ODAD2: variants seen among roughly 807,000 people sequenced by gnomAD.
ODAD2 encodes outer dynein arm docking complex subunit 2, also known as outer dynein arm-docking complex subunit 2.
Under a neutral mutation model 106.8 loss-of-function variants are expected in ODAD2, and 89 were observed. That is an observed-to-expected ratio of 0.83 (90% CI 0.70 to 0.99). ODAD2 has a LOEUF of 0.99. ODAD2 is among the 50% of genes least tolerant of loss of function. ODAD2 has a pLI of 0.00. For synonymous variants in ODAD2, 404 were observed against 436.2 expected, an observed-to-expected ratio of 0.93 and a Z score of 0.92; for missense variants, 1,168 against 1,238.5, an observed-to-expected ratio of 0.94 and a Z score of 0.85.
intron 2 of ODAD2, among the ~76,000 whole-genome samples, chr10:27,990,491 C>T (rs1359425336): frequency 6.6e-5 from 10 of 152,160 alleles, no homozygotes; most frequent in Non-Finnish European, 1.5e-4. Flanking sequence ...TAGTGTCTTA[C>T]TACTTAATAA....
At chr10:27,999,264 G>A (rs1850739153), upstream of ODAD2, among the ~76,000 whole-genome samples, 2 of 152,148 alleles carry the variant, frequency 1.3e-5, no homozygotes, top group South Asian at 4.1e-4. Context: ...CGGGGTCGGC[G>A]GCAAGTTAGC....
intron 17 of ODAD2, among the ~76,000 whole-genome samples, chr10:27,872,013 G>C (rs966606812): frequency 6.6e-6 from 1 of 152,070 alleles, no homozygotes; most frequent in Non-Finnish European, 1.5e-5. Flanking sequence ...CCATTTGTTT[G>C]TGTCCTCTTT....
chr10:27,924,658 T>C lies in ODAD2; in HGVS notation c.2495+10352A>G, dbSNP rs528939805. Among the ~76,000 whole-genome samples the C allele has an allele frequency of 3.7e-4, 34 of 91,790 alleles. 1 individual carries two copies. Among genetic ancestry groups the C allele is most frequent in the Middle Eastern group, 6.8e-3 (1 of 146 alleles). The allele number at this position is 91,790 out of a possible 152,430, so 60.2% of individuals were successfully genotyped here. ...AAAAAAAACAGAAGAAAGCCCACAT[T>C]ATACAAAAATTTAAAATGACAAGGA... is the stretch of plus-strand genomic sequence containing the variant. On this transcript the variant is annotated intron_variant, in intron 16 of 19. Coordinates refer to ENST00000305242, the MANE Select transcript of ODAD2 (RefSeq NM_018076.5).
At chr10:27,917,355 T>A (rs1363112928) in intron 16 of ODAD2, among the ~76,000 whole-genome samples, 1 of 152,116 alleles carries the variant, frequency 6.6e-6, no homozygotes, top group Non-Finnish European at 1.5e-5. Flanking sequence ...CTTATGTTTG[T>A]GGGATGAGGC....
chr10:27,844,405 G>T (rs1228773027), intron 19 of ODAD2, among the ~76,000 whole-genome samples: 6 of 152,084 alleles, frequency 3.9e-5, no homozygotes, highest in Non-Finnish European at 8.8e-5. Context: ...TCCTTTTTGT[G>T]CTCTAGCCTA....
At chr10:27,830,556 T>C (rs900149667) in intron 19 of ODAD2, among the ~76,000 whole-genome samples, 4 of 152,214 alleles carry the variant, frequency 2.6e-5, no homozygotes, top group Admixed American at 6.5e-5. Flanking sequence ...TTTCAAATTA[T>C]GTGGCAATAT....
chr10:27,930,554 G>A (rs1416661105), intron 16 of ODAD2, among the ~76,000 whole-genome samples: 3 of 151,130 alleles, frequency 2.0e-5, no homozygotes, highest in Admixed American at 6.6e-5. Flanking sequence ...GTGAACCCGG[G>A]AGGCGGAGTT....
intron 16 of ODAD2, among the ~76,000 whole-genome samples, chr10:27,925,501 G>A (rs991528309): frequency 2.0e-5 from 3 of 152,070 alleles, no homozygotes; most frequent in African/African-American, 4.8e-5. Flanking sequence ...GGAATTACAG[G>A]TGCACACTAC....
intron 1 of ODAD2, among the ~76,000 whole-genome samples, chr10:27,998,073 C>T (rs1440287707): frequency 7.9e-5 from 12 of 152,240 alleles, no homozygotes; most frequent in South Asian, 2.1e-4. Context: ...TGAAATGAAA[C>T]CCATTCGGTA....
chr10:27,874,883 T>C (rs1487021628), intron 17 of ODAD2, among the ~76,000 whole-genome samples: 2 of 152,200 alleles, frequency 1.3e-5, no homozygotes, highest in Non-Finnish European at 2.9e-5. Flanking sequence ...CTGTATTTCC[T>C]GAATTTGAAT....
chr10:27,950,200 T>C (rs907975141), intron 10 of ODAD2, among the ~76,000 whole-genome samples: 1 of 152,144 alleles, frequency 6.6e-6, no homozygotes. Flanking sequence ...AGCAAACCCC[T>C]GCCAGTAACT....
chr10:27,875,514 A>T (rs916754042), intron 17 of ODAD2, among the ~76,000 whole-genome samples: 1 of 152,068 alleles, frequency 6.6e-6, no homozygotes, highest in African/African-American at 2.4e-5. Context: ...CATGATGGTG[A>T]TGTACAGATG....
chr10:27,940,723 C>T lies in ODAD2; in HGVS notation c.1826G>A (p.Arg609His), dbSNP rs193065583. 2.3e-5 allele frequency: 37 copies of T among 1,613,372 alleles called. No individual in the cohort carries two copies. In the East Asian group the frequency reaches 3.4e-4, roughly 15 times the overall value. The change falls in exon 13 of 20, where the codon CGC becomes CAC. Residue 609 changes from arginine to histidine, a missense_variant. This residue lies in a region of ODAD2 where 701 missense variants were observed against 712.3 expected (regional missense o/e 0.98). Transcript: ENST00000305242. ...LYEARDVEVARCGALALWSCS... is the reference protein window; with the variant it reads ...LYEARDVEVAHCGALALWSCS... ...GCTCCACAGGGCCAGTGCCCCACAG[C>T]GAGCCACTTCCACGTCTCTGGCCTC...
At chr10:27,972,581 A>C (rs1409388069) in intron 7 of ODAD2, among the ~76,000 whole-genome samples, 1 of 152,188 alleles carries the variant, frequency 6.6e-6, no homozygotes, top group Non-Finnish European at 1.5e-5. Context: ...AGGCTGGAGA[A>C]GAATAGTTTA....
chr10:27,982,086 G>GTC (rs1019675852), intron 6 of ODAD2, among the ~76,000 whole-genome samples: 2 of 151,858 alleles, frequency 1.3e-5, no homozygotes, highest in Non-Finnish European at 2.9e-5. Context: ...ACACCCATGT[G>GTC]TCTCTCTCTC....
At chr10:27,848,806 C>G (rs1164856286) in intron 19 of ODAD2, among the ~76,000 whole-genome samples, 1 of 152,176 alleles carries the variant, frequency 6.6e-6, no homozygotes, top group Non-Finnish European at 1.5e-5. Context: ...AGAAAATGCT[C>G]ATCATCACTG....
intron 17 of ODAD2, among the ~76,000 whole-genome samples, chr10:27,889,829 A>C (rs1468048488): frequency 1.3e-5 from 2 of 152,202 alleles, no homozygotes; most frequent in Non-Finnish European, 2.9e-5. Flanking sequence ...TGTTGATAAT[A>C]ATGGTAACTG....
chr10:27,908,042 T>G (rs1456844766), intron 16 of ODAD2, among the ~76,000 whole-genome samples: 2 of 152,220 alleles, frequency 1.3e-5, no homozygotes, highest in Non-Finnish European at 1.5e-5. Flanking sequence ...CATGTAATTT[T>G]TTAATTAGCT....
intron 17 of ODAD2, among the ~76,000 whole-genome samples, chr10:27,884,029 C>T (rs1161706546): frequency 6.6e-6 from 1 of 151,484 alleles, no homozygotes; most frequent in Non-Finnish European, 1.5e-5. Context: ...AAAATAATGG[C>T]CAAAAGTTCT....
Sources: gnomAD v4.1 joint callset for allele counts (sites outside exome capture counted in the v4.1 genomes callset) on GRCh38, gnomAD v4.1.1 for gene constraint, gnomAD v4.1.1 regional missense constraint, MANE v1.5 for transcripts, NCBI Gene and HGNC (gene_info 2026-07-23, HGNC 2026-07-21) for gene names.